Variants in IDO2 observed in about 807,000 individuals in gnomAD.
The protein encoded by IDO2 is indoleamine 2,3-dioxygenase-like 1 protein.
IDO2 carries 46 observed loss-of-function variants against 45.1 expected under a neutral mutation model. The observed-to-expected ratio is 1.02, with a 90% CI of 0.80 to 1.30. The LOEUF (loss-of-function observed/expected upper bound fraction) is 1.30. Among genes scored for constraint, IDO2 ranks in the 50% most tolerant of loss-of-function variants. IDO2 has a pLI of 0.00. For missense variants in IDO2, 544 were observed against 491.8 expected, an observed-to-expected ratio of 1.11 and a Z score of -1.00; for synonymous variants, 218 against 184.9, an observed-to-expected ratio of 1.18 and a Z score of -1.45.
intron 2 of IDO2, among the ~76,000 whole-genome samples, chr8:39,954,561 T>C (rs2729484): frequency 0.39 from 59,293 of 151,454 alleles, 11,789 homozygotes; most frequent in East Asian, 0.58. Flanking sequence ...TCTGATGTCT[T>C]GCTCCTTGGC....
At chr8:39,939,555 A>G (rs1014801279) in intron 1 of IDO2, among the ~76,000 whole-genome samples, 1 of 145,192 alleles carries the variant, frequency 6.9e-6, no homozygotes, top group Non-Finnish European at 1.5e-5. Context: ...TCAAAAAAAA[A>G]AAAAAAAAAA....
At chr8:39,984,299 A>C (rs1808393096) in intron 5 of IDO2, among the ~76,000 whole-genome samples, 1 of 152,140 alleles carries the variant, frequency 6.6e-6, no homozygotes, top group South Asian at 2.1e-4. Context: ...ACATGGCCAA[A>C]CCCCCTCTCT....
chr8:40,004,525 T>TAGATAGATA (rs376224772), intron 8 of IDO2, among the ~76,000 whole-genome samples: 5 of 144,398 alleles, frequency 3.5e-5, no homozygotes, highest in African/African-American at 1.0e-4. Context: ...GACAGACAGA[T>TAGATAGATA]GATAGATAGA....
In IDO2 at chr8:39,949,908, C is replaced by T. The variant is rs182099167; in HGVS notation, c.99+644C>T. 1.8e-3 allele frequency among the ~76,000 whole-genome samples: 277 copies of T among 152,310 alleles called. 3 individuals are homozygous for T. Among genetic ancestry groups the T allele is most frequent in the African/African-American group, 6.3e-3 (263 of 41,572 alleles). ...GAGAAGGGGAAGGAAACCTTGCTAA[C>T]AAACAATACCTCTTTCTTAATTCTA... On this transcript the variant is annotated intron_variant, in intron 2 of 10. Coordinates refer to ENST00000502986, the Ensembl canonical transcript of IDO2.
chr8:39,975,550 C>G (rs1365047159), intron 3 of IDO2, among the ~76,000 whole-genome samples: 2 of 152,082 alleles, frequency 1.3e-5, no homozygotes, highest in Non-Finnish European at 1.5e-5. Flanking sequence ...CATTAATAGT[C>G]AAGAAAATGA....
chr8:39,974,772 T>C (rs186065710), intron 3 of IDO2, among the ~76,000 whole-genome samples: 1 of 152,252 alleles, frequency 6.6e-6, no homozygotes, highest in East Asian at 1.9e-4. Context: ...AATACAAAAA[T>C]TAGCTGGGCG....
At chr8:39,946,479 C>T (rs531891110) in intron 1 of IDO2, among the ~76,000 whole-genome samples, 7 of 152,102 alleles carry the variant, frequency 4.6e-5, no homozygotes, top group Admixed American at 4.6e-4. Flanking sequence ...TGGTGGCACG[C>T]ACCTGTAGTC....
chr8:39,979,243 A>G lies in IDO2; in HGVS notation c.315+57A>G, dbSNP rs1344547332. 4 of 1,548,356 alleles carry G rather than the reference A, an allele frequency of 2.6e-6. No homozygotes were observed. In the African/African-American group the frequency reaches 4.1e-5, roughly 16 times the overall value. On this transcript the variant is annotated intron_variant, in intron 4 of 10. Coordinates refer to ENST00000502986, the Ensembl canonical transcript of IDO2. ...CCGGCAGGTTACCTGCGCCTGGAGT[A>G]ACGTGCTCCCTGCTTGGTGCTACCC... is the stretch of plus-strand genomic sequence containing the variant.
At chr8:39,982,113 A>G (rs2129594480) in intron 4 of IDO2, among the ~76,000 whole-genome samples, 1 of 152,132 alleles carries the variant, frequency 6.6e-6, no homozygotes, top group South Asian at 2.1e-4. Context: ...TTGTATCTCT[A>G]TGAGTCGGTC....
chr8:39,974,234 A>G (rs965671097), intron 3 of IDO2, among the ~76,000 whole-genome samples: 3 of 152,328 alleles, frequency 2.0e-5, no homozygotes, highest in African/African-American at 7.2e-5. Context: ...GGACCTACAT[A>G]CAGACCCATG....
intron 1 of IDO2, among the ~76,000 whole-genome samples, chr8:39,940,300 A>G (rs1172581157): frequency 6.6e-6 from 1 of 152,230 alleles, no homozygotes; most frequent in Admixed American, 6.5e-5. Flanking sequence ...CTGAGATATC[A>G]TTCATCCAAC....
At chr8:39,952,864 G>A (rs774100143) in intron 2 of IDO2, among the ~76,000 whole-genome samples, 48 of 152,132 alleles carry the variant, frequency 3.2e-4, no homozygotes, top group Non-Finnish European at 6.2e-4. Flanking sequence ...CGCCTCCCGG[G>A]TTCAAGCGAT....
intron 9 of IDO2, among the ~76,000 whole-genome samples, chr8:40,007,597 C>T (rs546006859): frequency 2.0e-5 from 3 of 152,306 alleles, no homozygotes; most frequent in South Asian, 4.1e-4. Flanking sequence ...TACCACATAG[C>T]AGGCTTATAC....
intron 2 of IDO2, among the ~76,000 whole-genome samples, chr8:39,952,287 A>C (rs1807825465): frequency 6.6e-6 from 1 of 152,192 alleles, no homozygotes; most frequent in Non-Finnish European, 1.5e-5. Flanking sequence ...CGTTTAGTTG[A>C]AAGGCAAGCG....
intron 2 of IDO2, among the ~76,000 whole-genome samples, chr8:39,961,710 G>A (rs1563428254): frequency 6.6e-6 from 1 of 152,200 alleles, no homozygotes; most frequent in South Asian, 2.1e-4. Context: ...TGATTCCACA[G>A]GTAATTTAAT....
chr8:40,002,196 T>A (rs1358847013), intron 8 of IDO2, among the ~76,000 whole-genome samples: 2 of 152,182 alleles, frequency 1.3e-5, no homozygotes, highest in Non-Finnish European at 2.9e-5. Flanking sequence ...GTAAGTAGTA[T>A]GAGATGAGAA....
chr8:40,012,199 G>T (rs1369997821), intron 9 of IDO2, among the ~76,000 whole-genome samples: 1 of 150,628 alleles, frequency 6.6e-6, no homozygotes, highest in Non-Finnish European at 1.5e-5. Context: ...ATAACTTTTA[G>T]AATTATAGAA....
intron 7 of IDO2, among the ~76,000 whole-genome samples, chr8:39,988,729 C>T (rs1226267196): frequency 2.6e-5 from 4 of 152,088 alleles, no homozygotes; most frequent in African/African-American, 9.7e-5. Context: ...CACTACCTCC[C>T]TTGATAAGCA....
intron 9 of IDO2, among the ~76,000 whole-genome samples, chr8:40,011,520 G>A (rs1467842306): frequency 6.6e-6 from 1 of 152,134 alleles, no homozygotes; most frequent in Admixed American, 6.5e-5. Context: ...AAACCTCTCT[G>A]GAGCCTATTT....
Sources: allele counts gnomAD v4.1 joint callset (sites outside exome capture counted in the v4.1 genomes callset), GRCh38; gene constraint gnomAD v4.1.1; transcripts MANE v1.5; gene names NCBI Gene and HGNC (gene_info 2026-07-23, HGNC 2026-07-21).